The following KATNIP variants were observed in gnomAD, a reference collection of about 807,000 sequenced individuals.
KATNIP encodes katanin-interacting protein.
Under a neutral mutation model 174.0 loss-of-function variants are expected in KATNIP, and 126 were observed. The ratio of observed to expected loss-of-function variants is 0.72; its 90% CI spans 0.63 to 0.84. The LOEUF (loss-of-function observed/expected upper bound fraction) is 0.84. KATNIP is among the 40% of genes least tolerant of loss of function. The pLI is 0.00. For missense variants in KATNIP, 1,958 were observed against 2,109.7 expected, an observed-to-expected ratio of 0.93 and a Z score of 1.41; for synonymous variants, 810 against 835.7, an observed-to-expected ratio of 0.97 and a Z score of 0.53.
At position 27,750,443 on chromosome 16, in the gene KATNIP, G is replaced by A. The variant is rs568878883; in HGVS notation, c.3346+137G>A. The A allele has an allele frequency of 1.5e-4, 135 of 893,866 alleles. 2 individuals carry two copies. Among genetic ancestry groups the A allele is most frequent in the South Asian group, 6.4e-4 (36 of 56,528 alleles). The allele number at this position is 893,866 out of a possible 1,614,324, so 55.4% of individuals were successfully genotyped here. A position where few individuals can be genotyped will look rare whatever the true frequency, so the allele number is the denominator to read the frequency against. On this transcript the variant is annotated intron_variant, in intron 16 of 27. Transcript: ENST00000261588. ...TCTTTTTTTTTTTTTTTTTTGAGAC[G>A]GAGTCTTGCTCTGTCCCCCAGGCTG...
intron 2 of KATNIP, among the ~76,000 whole-genome samples, chr16:27,584,968 C>G (rs983628108): frequency 4.6e-5 from 7 of 152,188 alleles, no homozygotes; most frequent in African/African-American, 1.4e-4. Flanking sequence ...GTGTTATGTG[C>G]ACCCTGGCAA....
chr16:27,649,391 A>C (rs999751639), intron 6 of KATNIP, among the ~76,000 whole-genome samples: 1 of 152,228 alleles, frequency 6.6e-6, no homozygotes, highest in African/African-American at 2.4e-5. Context: ...CCTTCCTTCC[A>C]CAAGCATTTG....
intron 1 of KATNIP, among the ~76,000 whole-genome samples, chr16:27,566,177 T>C (rs1481216722): frequency 6.6e-6 from 1 of 152,092 alleles, no homozygotes; most frequent in Non-Finnish European, 1.5e-5. Flanking sequence ...CCTGCCACCT[T>C]CCTCTGTTTA....
Position 27,740,389 on chromosome 16 carries a change from T to C in KATNIP, c.2092T>C (p.Tyr698His). Residue 698 changes from tyrosine (Y) to histidine (H), a missense_variant, in exon 15 of 28, where the codon TAT becomes CAT. Physicochemically the swap from Tyr to His is moderately conservative, Grantham distance 83. Around this residue, in one of 3 missense-constraint regions of KATNIP, gnomAD observed 1,557 missense variants for 1,617.8 expected, o/e 0.96. Transcript: ENST00000261588. ...AGACAGTTTGTCCCAGTTAGAGGAA[T>C]ATTTGAGACTGTCGGCAGTCCCCAC... ...RKDSLSQLEE[Y>H]LRLSAVPTSM... The C allele has an allele frequency of 6.2e-7, 1 of 1,614,182 alleles. No homozygotes were observed. Among genetic ancestry groups the C allele is most frequent in the South Asian group, 1.1e-5 (1 of 91,078 alleles).
rs543070613 is a variant in KATNIP, at chr16:27,769,990, G to T, written c.4105G>T (p.Ala1369Ser). The change falls in exon 21 of 28, where the codon GCT becomes TCT. Residue 1369 changes from alanine (A) to serine (S), a missense_variant. By Grantham distance (99) the Ala-to-Ser change is moderately conservative. Around this residue, in one of 3 missense-constraint regions of KATNIP, gnomAD observed 383 missense variants for 456.0 expected, o/e 0.84. Transcript: ENST00000261588. ...AATCCTCTTCGTGGACTACCTACGG[G>T]CTCAGCTGCTGCCCCAGCCGGCCAG... Reference protein sequence around the residue: ...QEILFVDYLRAQLLPQPARRL... With the variant: ...QEILFVDYLRSQLLPQPARRL... The T allele has an allele frequency of 6.2e-7, 1 of 1,613,970 alleles. No individual in the cohort carries two copies. Among genetic ancestry groups the T allele is most frequent in the South Asian group, 1.1e-5 (1 of 91,078 alleles).
At chr16:27,751,110 C>T (rs2081502003) in intron 16 of KATNIP, among the ~76,000 whole-genome samples, 1 of 152,120 alleles carries the variant, frequency 6.6e-6, no homozygotes. Context: ...AAGCACCTGT[C>T]TTGGTCCGGC....
At chr16:27,773,946 A>G (rs1271926105) in intron 23 of KATNIP, among the ~76,000 whole-genome samples, 1 of 152,144 alleles carries the variant, frequency 6.6e-6, no homozygotes, top group Non-Finnish European at 1.5e-5. Context: ...TGCTGCTGTT[A>G]TCCCCATTTT....
In KATNIP at chr16:27,706,644, G is replaced by T. The variant is rs116993278; in HGVS notation, c.1390-2061G>T. On this transcript the variant is annotated intron_variant, in intron 12 of 27. Transcript: ENST00000261588. ...AGTTGTGACACTTGCTTAGTTAACA[G>T]ATCCTTCAGCTTTTTCATTTACGAA... 3.5e-3 allele frequency among the ~76,000 whole-genome samples: 533 copies of T among 152,324 alleles called. 1 individual carries two copies. Among genetic ancestry groups the T allele is most frequent in the Non-Finnish European group, 4.1e-3 (281 of 68,022 alleles).
chr16:27,655,400 ATTAT>A (rs557649469), intron 6 of KATNIP, among the ~76,000 whole-genome samples: 7 of 148,678 alleles, frequency 4.7e-5, no homozygotes, highest in East Asian at 2.0e-4. Context: ...TGTCCAGCCA[ATTAT>A]TTATTTATTT....
chr16:27,621,418 G>A (rs1363708959), intron 3 of KATNIP, among the ~76,000 whole-genome samples: 1 of 151,974 alleles, frequency 6.6e-6, no homozygotes, highest in East Asian at 1.9e-4. Context: ...CCATTCTCAG[G>A]CAGGTACTTC....
chr16:27,672,140 G>A (rs2142678368), intron 6 of KATNIP, among the ~76,000 whole-genome samples: 1 of 152,068 alleles, frequency 6.6e-6, no homozygotes, highest in Admixed American at 6.5e-5. Context: ...CTTCTCATAG[G>A]GCATAGAACA....
intron 6 of KATNIP, among the ~76,000 whole-genome samples, chr16:27,667,291 G>A (rs1337335754): frequency 2.0e-5 from 3 of 151,774 alleles, no homozygotes; most frequent in Admixed American, 6.6e-5. Flanking sequence ...CTCCAGCTTG[G>A]GTGATAGAGT....
intron 6 of KATNIP, among the ~76,000 whole-genome samples, chr16:27,652,642 A>G (rs1399122331): frequency 6.6e-6 from 1 of 151,968 alleles, no homozygotes; most frequent in East Asian, 1.9e-4. Context: ...GTGAAACCCC[A>G]TCTCTACTAA....
chr16:27,672,037 CAA>C (rs2077929534), intron 6 of KATNIP, among the ~76,000 whole-genome samples: 1 of 152,216 alleles, frequency 6.6e-6, no homozygotes, highest in South Asian at 2.1e-4. Flanking sequence ...GCCTGGGCAA[CAA>C]GAGCAAAAAT....
chr16:27,590,326 T>C (rs1274545133), intron 2 of KATNIP, among the ~76,000 whole-genome samples: 1 of 151,842 alleles, frequency 6.6e-6, no homozygotes, highest in Non-Finnish European at 1.5e-5. Flanking sequence ...TATTTTCTTT[T>C]TCTTTCTTTC....
chr16:27,731,308 G>T (rs369802344), intron 14 of KATNIP, among the ~76,000 whole-genome samples: 1 of 152,206 alleles, frequency 6.6e-6, no homozygotes, highest in African/African-American at 2.4e-5. Context: ...GCCCTGCAGC[G>T]CAGTGTCTCT....
chr16:27,554,137 G>A (rs1301652329), intron 1 of KATNIP, among the ~76,000 whole-genome samples: 1 of 152,116 alleles, frequency 6.6e-6, no homozygotes, highest in Non-Finnish European at 1.5e-5. Context: ...ACTGCAAGCA[G>A]TTTTACCCAC....
At chr16:27,564,363 A>G (rs1173860485) in intron 1 of KATNIP, among the ~76,000 whole-genome samples, 2 of 152,180 alleles carry the variant, frequency 1.3e-5, no homozygotes, top group African/African-American at 2.4e-5. Flanking sequence ...GGGCTGACCC[A>G]GAGCCTCCCC....
At chr16:27,600,977 C>T (rs932903150) in intron 2 of KATNIP, among the ~76,000 whole-genome samples, 11 of 152,222 alleles carry the variant, frequency 7.2e-5, no homozygotes, top group Admixed American at 5.2e-4. Flanking sequence ...AGGTGATCCA[C>T]CCGCCTCAGC....
Sources: gnomAD v4.1 joint callset for allele counts (sites outside exome capture counted in the v4.1 genomes callset) on GRCh38, gnomAD v4.1.1 for gene constraint, gnomAD v4.1.1 regional missense constraint, MANE v1.5 for transcripts, NCBI Gene and HGNC (gene_info 2026-07-23, HGNC 2026-07-21) for gene names.